The following HLA-C variants were observed in gnomAD, a reference collection of about 807,000 sequenced individuals.
HLA-C encodes the protein major histocompatibility complex, class I, C.
A neutral mutation model predicts 36.9 loss-of-function variants in HLA-C; 15 were observed. The observed-to-expected ratio is 0.41, with a 90% CI of 0.27 to 0.63. The LOEUF (loss-of-function observed/expected upper bound fraction) is 0.63. Among genes scored for constraint, HLA-C ranks in the 20% least tolerant of loss-of-function variants. HLA-C has a pLI of 0.35. For synonymous variants in HLA-C, 104 were observed against 174.3 expected, an observed-to-expected ratio of 0.60 and a Z score of 3.18; for missense variants, 272 against 400.4, an observed-to-expected ratio of 0.68 and a Z score of 2.74.
chr6:31,270,243 C>T lies in HLA-C; in HGVS notation c.862G>A (p.Glu288Lys), dbSNP rs760945018. Residue 288 changes from glutamate to lysine, a missense_variant, in exon 4 of 8, where the codon GAG (glutamate) becomes AAG (lysine). By Grantham distance (56) the Glu-to-Lys change is moderately conservative. Around this residue, in one of 8 missense-constraint regions of HLA-C, gnomAD observed 24 missense variants for 78.1 expected, o/e 0.31. Coordinates refer to ENST00000376228, the Ensembl canonical transcript of HLA-C. ...AGGGTGAGGGGCTCTTGCAGCCCCT[C>T]GTGCTGCATATGGCACGTGTATCTC... The T allele has an allele frequency of 2.5e-5, 21 of 841,748 alleles. 9 individuals carry two copies. The East Asian group carries it at 6.1e-4, about 24-fold the overall frequency. The allele number at this position is 841,748 out of a possible 1,614,324, so 52.1% of individuals were successfully genotyped here. A position where few individuals can be genotyped will look rare whatever the true frequency, so the allele number is the denominator to read the frequency against.
At chr6:31,269,302 C>T (rs757545357) in intron 7 of HLA-C, 36 bp downstream of exon 7, 2 of 907,270 alleles carry the variant, frequency 2.2e-6, no homozygotes, top group Non-Finnish European at 2.9e-6. Flanking sequence ...TTCCCTCTGC[C>T]CCACCCCCGA....
exon 8 of HLA-C, chr6:31,269,000 G>T: frequency 1.4e-6 from 1 of 700,032 alleles, no homozygotes; most frequent in South Asian, 1.6e-5. Context: ...GTGGGGACAG[G>T]GGTCACGGTG....
At chr6:31,269,902 C>A in intron 5 of HLA-C, 64 bp downstream of exon 5, 1 of 763,700 alleles carries the variant, frequency 1.3e-6, no homozygotes, top group African/African-American at 4.2e-5. Context: ...CACACTTCTA[C>A]CTGGGGCTTG....
At chr6:31,269,051 C>T (rs1343198366) in exon 8 of HLA-C, 6 of 729,774 alleles carry the variant, frequency 8.2e-6, no homozygotes, top group Non-Finnish European at 1.4e-5. Context: ...TCACATTATG[C>T]TAACAGGAAC....
exon 3 of HLA-C, chr6:31,271,113 G>C (rs281860536): frequency 8.8e-7 from 1 of 1,141,280 alleles, no homozygotes; most frequent in East Asian, 4.5e-5. Context: ...CCAGGTATCT[G>C]CGGAGCCACT....
chr6:31,271,288 C>G lies in HLA-C; in HGVS notation c.404G>C (p.Arg135Pro). The change falls in exon 3 of 8, where the codon CGC becomes CCC. Residue 135 changes from arginine to proline, a missense_variant. Physicochemically the swap from Arg to Pro is moderately radical, Grantham distance 103 (BLOSUM62 -2). This residue lies in a region of HLA-C where 72 missense variants were observed against 53.4 expected (regional missense o/e 1.35). Transcript: ENST00000376228. ...GTCGTAGGCGGACTGGTCATACCCG[C>G]GGAGGAGGCGCCCGTCGGGCCCCAG... The G allele has an allele frequency of 1.7e-6, 2 of 1,165,352 alleles. 1 individual carries two copies. The highest frequency in any genetic ancestry group is 2.3e-6 in the Non-Finnish European group (2 of 881,922). The allele number at this position is 1,165,352 out of a possible 1,614,324, so 72.2% of individuals were successfully genotyped here. A position where few individuals can be genotyped will look rare whatever the true frequency, so the allele number is the denominator to read the frequency against.
chr6:31,269,848 G>T, intron 5 of HLA-C, 118 bp downstream of exon 5: 1 of 440,812 alleles, frequency 2.3e-6, no homozygotes. Context: ...GTCCCAGGCT[G>T]GGATGGCCCA....
intron 2 of HLA-C, 66 bp downstream of exon 2, chr6:31,271,523 AGACTCTGGGC>A: frequency 1.2e-6 from 1 of 818,566 alleles, no homozygotes; most frequent in Non-Finnish European, 1.6e-6. Flanking sequence ...TCAGACGGGG[AGACTCTGGGC>A]GACCCGGGCC....
At chr6:31,271,943 GGAGGGCCCCT>G in intron 1 of HLA-C, 46 bp downstream of exon 1, 1 of 1,116,244 alleles carries the variant, frequency 9.0e-7, no homozygotes, top group Non-Finnish European at 1.2e-6. Flanking sequence ...GCCCTCGCCG[GGAGGGCCCCT>G]CGCTCCTCTC....
exon 1 of HLA-C, chr6:31,272,033 G>C (rs553352228): frequency 1.9e-6 from 2 of 1,039,786 alleles, no homozygotes; most frequent in South Asian, 3.2e-5. Context: ...GGCCTCCCGA[G>C]AGCAGCAGGA....
intron 3 of HLA-C, 35 bp from the exon 4 acceptor site, chr6:31,270,520 C>T (rs9264636): frequency 0.011 from 8,951 of 794,466 alleles, 2,183 homozygotes; most frequent in African/African-American, 0.067. Flanking sequence ...AGACACTTTG[C>T]ATCTCTCTTG....
exon 8 of HLA-C, chr6:31,269,059 A>G (rs41289069): frequency 0.019 from 13,795 of 707,494 alleles, 306 homozygotes; most frequent in South Asian, 0.057. Flanking sequence ...TGCTAACAGG[A>G]ACGCAGACAC....
chr6:31,269,020 G>T (rs1033773578), exon 8 of HLA-C: 14 of 703,350 alleles, frequency 2.0e-5, no homozygotes, highest in Admixed American at 2.1e-5. Context: ...GGACACGGGG[G>T]TGGGCTGTCT....
chr6:31,270,735 A>T, intron 3 of HLA-C: 1 of 362,504 alleles, frequency 2.8e-6, no homozygotes, highest in Non-Finnish European at 4.6e-6. Context: ...AAAAGCTGGA[A>T]TCAAACCTTC....
rs2308567 is a variant in HLA-C, at chr6:31,271,330, C to T, written c.362G>A (p.Arg121Lys). ...GGGCCCCAGGTCGCAGCCAGACATC[C>T]TCTGGAGGGTGTGAGACCCTGGCCC... Residue 121 changes from arginine to lysine, a missense_variant, in exon 3 of 8, where the codon AGG becomes AAG. Physicochemically the swap from Arg to Lys is conservative, Grantham distance 26 (BLOSUM62 2). This residue lies in a region of HLA-C where 72 missense variants were observed against 53.4 expected (regional missense o/e 1.35). Coordinates refer to ENST00000376228, the Ensembl canonical transcript of HLA-C. The T allele has an allele frequency of 6.4e-5, 65 of 1,011,986 alleles. 14 individuals carry two copies. The African/African-American group carries it at 1.6e-3, about 25-fold the overall frequency. 62.7% of individuals were successfully genotyped at this position (1,011,986 alleles called of 1,614,324 possible).
chr6:31,271,573 C>G lies in HLA-C; in HGVS notation c.343+26G>C. The G allele has an allele frequency of 1.7e-6, 2 of 1,203,692 alleles. 1 individual carries two copies. Among genetic ancestry groups the G allele is most frequent in the Non-Finnish European group, 2.2e-6 (2 of 895,454 alleles). 74.6% of individuals were successfully genotyped at this position (1,203,692 alleles called of 1,614,324 possible). A position where few individuals can be genotyped will look rare whatever the true frequency, so the allele number is the denominator to read the frequency against. The stretch of plus-strand genomic sequence containing the variant: ...GTGGGGGATGGGGAGGGGTCGTGAC[C>G]TGCGCCCCGGGCCGGGGTCACTCAC... On this transcript the variant is annotated intron_variant, in intron 2 of 7. Transcript: ENST00000376228.
Position 31,269,535 on chromosome 6 carries a change from G to GA in HLA-C, c.1016-11dup. ...CTCCCTCCTTTTCCACCTGTGGGAA[G>GA]AAAATGCCCTATGAGGGGACTGGGA... is the stretch of plus-strand genomic sequence containing the variant. On this transcript the variant is annotated splice_polypyrimidine_tract_variant and intron_variant, in intron 5 of 7. Coordinates refer to ENST00000376228, the Ensembl canonical transcript of HLA-C. 1.2e-6 allele frequency: 1 copy of GA among 867,246 alleles called. No individual in the cohort carries two copies. The highest frequency in any genetic ancestry group is 1.5e-6 in the Non-Finnish European group (1 of 680,970). 53.7% of individuals were successfully genotyped at this position (867,246 alleles called of 1,614,324 possible).
chr6:31,269,288 C>T (rs753054241), intron 7 of HLA-C, 50 bp downstream of exon 7: 7 of 891,646 alleles, frequency 7.9e-6, no homozygotes, highest in Non-Finnish European at 9.0e-6. Flanking sequence ...ATTACCCAGG[C>T]CTTTTCCCTC....
At chr6:31,269,015 C>T (rs1340538575) in exon 8 of HLA-C, 20 of 699,590 alleles carry the variant, frequency 2.9e-5, no homozygotes, top group East Asian at 2.4e-4. Context: ...ACGGTGGACA[C>T]GGGGGTGGGC....
Sources: gnomAD v4.1 joint callset for allele counts on GRCh38, gnomAD v4.1.1 for gene constraint, gnomAD v4.1.1 regional missense constraint, MANE v1.5 for transcripts, NCBI Gene and HGNC (gene_info 2026-07-23, HGNC 2026-07-21) for gene names.